Variants in CPQ observed in about 807,000 individuals in gnomAD.
The protein encoded by CPQ is Ser-Met dipeptidase.
A neutral mutation model predicts 45.7 loss-of-function variants in CPQ; 37 were observed. That is an observed-to-expected ratio of 0.81 (90% CI 0.62 to 1.07). The LOEUF (loss-of-function observed/expected upper bound fraction) is 1.07, where lower values mean the gene tolerates loss of function less well. Ranked by LOEUF, CPQ falls within the 50% of genes least tolerant of loss-of-function variation. The probability of loss-of-function intolerance (pLI) is 0.00; values close to 1 mark genes in which losing one functional copy is unlikely to be tolerated. For synonymous variants in CPQ, 186 were observed against 205.8 expected (o/e 0.90, Z 0.82); for missense variants, 537 against 572.9 (o/e 0.94, Z 0.64).
intron 2 of CPQ, among the ~76,000 whole-genome samples, chr8:96,793,503 T>C (rs1810880393): frequency 6.6e-6 from 1 of 152,144 alleles, no homozygotes; most frequent in Admixed American, 6.5e-5. Context: ...TCCCACTGGG[T>C]CCTTCCCACA....
chr8:97,126,911 C>T (rs1400344930), intron 7 of CPQ, among the ~76,000 whole-genome samples: 1 of 152,082 alleles, frequency 6.6e-6, no homozygotes, highest in Non-Finnish European at 1.5e-5. Flanking sequence ...CAAGGTTATT[C>T]AACGGGAAAA....
At chr8:96,879,195 T>C (rs909582047) in intron 3 of CPQ, among the ~76,000 whole-genome samples, 2 of 152,232 alleles carry the variant, frequency 1.3e-5, no homozygotes, top group African/African-American at 4.8e-5. Flanking sequence ...ATAGTTTTTT[T>C]TTCTCTTGTG....
chr8:96,991,052 C>T (rs938065928), intron 5 of CPQ, among the ~76,000 whole-genome samples: 3 of 152,146 alleles, frequency 2.0e-5, no homozygotes, highest in African/African-American at 7.2e-5. Context: ...CAGCCCTCAG[C>T]CAACTTGAGG....
At chr8:96,964,088 CTTTCT>C (rs149571415) in intron 4 of CPQ, among the ~76,000 whole-genome samples, 2,789 of 117,872 alleles carry the variant, frequency 0.024, 100 homozygotes, top group African/African-American at 0.084. Flanking sequence ...CATGAGTTTT[CTTTCT>C]TTTTTTTTTT....
chr8:97,100,897 T>G (rs1811292827), intron 7 of CPQ, among the ~76,000 whole-genome samples: 2 of 152,326 alleles, frequency 1.3e-5, no homozygotes, highest in South Asian at 4.1e-4. Flanking sequence ...GGGAAAAAAT[T>G]ATTTTAGTAC....
At chr8:96,731,820 G>A (rs902550078) in intron 1 of CPQ, among the ~76,000 whole-genome samples, 1 of 151,978 alleles carries the variant, frequency 6.6e-6, no homozygotes, top group Non-Finnish European at 1.5e-5. Flanking sequence ...TTTTTAAGCA[G>A]GAATGAAGAA....
chr8:96,879,106 A>C (rs1162492495), intron 3 of CPQ, among the ~76,000 whole-genome samples: 6 of 152,248 alleles, frequency 3.9e-5, no homozygotes, highest in Admixed American at 3.9e-4. Context: ...GTTTCTATGA[A>C]TATAAGAAGC....
intron 7 of CPQ, among the ~76,000 whole-genome samples, chr8:97,142,209 A>ACCAG (rs766850500): frequency 2.0e-5 from 3 of 152,256 alleles, no homozygotes; most frequent in Non-Finnish European, 4.4e-5. Flanking sequence ...AAAACAGTCA[A>ACCAG]CCAACCAATC....
chr8:96,779,227 T>C (rs1166476608), intron 1 of CPQ, among the ~76,000 whole-genome samples: 1 of 152,128 alleles, frequency 6.6e-6, no homozygotes, highest in Non-Finnish European at 1.5e-5. Flanking sequence ...CTTCTCTGCC[T>C]GCTGAGCCAT....
chr8:96,696,974 C>G (rs1340491615), intron 1 of CPQ, among the ~76,000 whole-genome samples: 1 of 151,978 alleles, frequency 6.6e-6, no homozygotes, highest in Non-Finnish European at 1.5e-5. Flanking sequence ...TCAAACTAGT[C>G]CAAAAAATAG....
At chr8:96,894,931 T>C (rs1324163456) in intron 4 of CPQ, among the ~76,000 whole-genome samples, 1 of 152,200 alleles carries the variant, frequency 6.6e-6, no homozygotes, top group Non-Finnish European at 1.5e-5. Flanking sequence ...TAACCAATTA[T>C]ATGTTTTACT....
intron 5 of CPQ, among the ~76,000 whole-genome samples, chr8:96,982,302 T>C (rs1813915035): frequency 6.6e-6 from 1 of 152,208 alleles, no homozygotes; most frequent in African/African-American, 2.4e-5. Context: ...ACTCTTGCTT[T>C]AGGACTTAAA....
rs544492993 is a variant in CPQ, at chr8:97,091,973, T to C, written c.1255+25763T>C. 1.0e-3 allele frequency among the ~76,000 whole-genome samples: 152 copies of C among 152,240 alleles called. 1 individual carries two copies. In the Middle Eastern group the frequency reaches 0.024, roughly 24 times the overall value. On this transcript the variant is annotated intron_variant, in intron 7 of 7. Transcript: ENST00000220763. Reference sequence around the variant, plus strand: ...GGAAACTGCAGTTATCCTAAATGCCTCTGGTACCAATAACTGACAAAACAC... The same window carrying C: ...GGAAACTGCAGTTATCCTAAATGCCCCTGGTACCAATAACTGACAAAACAC...
chr8:96,742,245 C>T (rs1284460857), intron 1 of CPQ, among the ~76,000 whole-genome samples: 1 of 152,126 alleles, frequency 6.6e-6, no homozygotes, highest in Non-Finnish European at 1.5e-5. Context: ...TTCTTTGTCT[C>T]TTTTGATCTT....
chr8:96,834,913 G>A (rs118172462), intron 2 of CPQ, 60 bp from the exon 3 acceptor site: 25,673 of 1,471,350 alleles, frequency 0.017, 288 homozygotes, highest in Non-Finnish European at 0.019. Flanking sequence ...CCTTTCCTGT[G>A]CCAATTCAAC....
intron 7 of CPQ, among the ~76,000 whole-genome samples, chr8:97,142,103 T>C (rs1263490854): frequency 6.6e-6 from 1 of 152,168 alleles, no homozygotes; most frequent in Non-Finnish European, 1.5e-5. Flanking sequence ...CATTCTTGCA[T>C]TAAATTATGG....
chr8:96,879,403 G>A (rs1024131920), intron 3 of CPQ, among the ~76,000 whole-genome samples: 1 of 152,178 alleles, frequency 6.6e-6, no homozygotes, highest in African/African-American at 2.4e-5. Context: ...ATGTATCTGG[G>A]CCAGTTTTAT....
chr8:96,665,181 A>G (rs1808903371), intron 1 of CPQ, among the ~76,000 whole-genome samples: 1 of 152,220 alleles, frequency 6.6e-6, no homozygotes, highest in South Asian at 2.1e-4. Context: ...GCCAGGGTAA[A>G]GAATGGCAGA....
intron 3 of CPQ, among the ~76,000 whole-genome samples, chr8:96,843,339 G>A (rs1811641537): frequency 6.6e-6 from 1 of 152,060 alleles, no homozygotes; most frequent in South Asian, 2.1e-4. Flanking sequence ...AAAGGAGGAA[G>A]GGAGGGAAGC....
Sources: allele counts gnomAD v4.1 joint callset (sites outside exome capture counted in the v4.1 genomes callset), GRCh38; gene constraint gnomAD v4.1.1; transcripts MANE v1.5; gene names NCBI Gene and HGNC (gene_info 2026-07-23, HGNC 2026-07-21).